COL24A1: variants seen among roughly 807,000 people sequenced by gnomAD.
The protein encoded by COL24A1 is collagen type XXIV alpha 1 chain.
COL24A1 carries 224 observed loss-of-function variants against 253.9 expected under a neutral mutation model. The ratio of observed to expected loss-of-function variants is 0.88; its 90% confidence interval spans 0.79 to 0.99. The LOEUF (loss-of-function observed/expected upper bound fraction) is 0.99. Among genes scored for constraint, COL24A1 ranks in the 50% least tolerant of loss-of-function variants. The pLI, the probability that COL24A1 is intolerant of heterozygous loss-of-function variation, is 0.00. For missense variants in COL24A1, 2,131 were observed against 2,068.5 expected (o/e 1.03, Z -0.59); for synonymous variants, 685 against 673.7 (o/e 1.02, Z -0.26).
At chr1:85,955,991 T>A (rs1174534047) in intron 24 of COL24A1, among the ~76,000 whole-genome samples, 3 of 152,236 alleles carry the variant, frequency 2.0e-5, no homozygotes, top group Non-Finnish European at 4.4e-5. Flanking sequence ...TCACATCTCT[T>A]AAACATTAAT....
At chr1:86,134,523 T>C (rs1376967787) in intron 2 of COL24A1, among the ~76,000 whole-genome samples, 9 of 145,492 alleles carry the variant, frequency 6.2e-5, no homozygotes, top group African/African-American at 2.0e-4. Flanking sequence ...GCTTTGAATG[T>C]GTCCCAGAGA....
At chr1:86,075,845 C>G (rs143136298) in intron 7 of COL24A1, among the ~76,000 whole-genome samples, 10,430 of 152,072 alleles carry the variant, frequency 0.069, 455 homozygotes, top group Middle Eastern at 0.13. Flanking sequence ...ATTCAACAGC[C>G]CTTCATGCTA....
intron 14 of COL24A1, among the ~76,000 whole-genome samples, chr1:86,028,002 T>G (rs1698210971): frequency 1.3e-5 from 2 of 152,212 alleles, no homozygotes; most frequent in Admixed American, 1.3e-4. Context: ...ATGACTGCCC[T>G]ACTTGATTTT....
intron 24 of COL24A1, among the ~76,000 whole-genome samples, chr1:85,923,801 G>A (rs961353952): frequency 6.6e-6 from 1 of 151,996 alleles, no homozygotes; most frequent in Non-Finnish European, 1.5e-5. Context: ...GCTAGCAGAA[G>A]GCAAGACATA....
intron 7 of COL24A1, among the ~76,000 whole-genome samples, chr1:86,075,017 A>C: frequency 6.6e-6 from 1 of 152,186 alleles, no homozygotes; most frequent in South Asian, 2.1e-4. Context: ...AAAAGCTAGC[A>C]GAAGACAAGA....
At chr1:86,105,770 A>AG (rs1249798339) in intron 5 of COL24A1, among the ~76,000 whole-genome samples, 1 of 152,160 alleles carries the variant, frequency 6.6e-6, no homozygotes, top group Non-Finnish European at 1.5e-5. Context: ...GTGGTGGTTG[A>AG]GGGGTCTCCT....
chr1:85,891,266 G>A (rs956582246), intron 31 of COL24A1, among the ~76,000 whole-genome samples: 13 of 142,918 alleles, frequency 9.1e-5, no homozygotes, highest in Admixed American at 4.4e-4. Context: ...GAGTTTCACC[G>A]TGTTAACCAG....
chr1:86,066,983 A>G (rs1488055059), intron 7 of COL24A1, among the ~76,000 whole-genome samples: 1 of 151,870 alleles, frequency 6.6e-6, no homozygotes, highest in African/African-American at 2.4e-5. Flanking sequence ...TTAAAAATAC[A>G]AAAAAATTAG....
chr1:85,946,817 T>C (rs895230410), intron 24 of COL24A1, among the ~76,000 whole-genome samples: 1 of 152,214 alleles, frequency 6.6e-6, no homozygotes, highest in Admixed American at 6.5e-5. Flanking sequence ...ATATGGCAGT[T>C]TGTTTAATTT....
chr1:85,810,281 A>G (rs776304033), intron 47 of COL24A1, among the ~76,000 whole-genome samples: 1 of 152,154 alleles, frequency 6.6e-6, no homozygotes, highest in African/African-American at 2.4e-5. Flanking sequence ...GTTGGAAGTT[A>G]CCCTATATGG....
At chr1:86,069,943 A>C (rs970639645) in intron 7 of COL24A1, among the ~76,000 whole-genome samples, 2 of 152,176 alleles carry the variant, frequency 1.3e-5, no homozygotes, top group Admixed American at 1.3e-4. Flanking sequence ...ACAAGTAACA[A>C]CACCACCACA....
At chr1:86,146,644 T>C (rs1279798342) in intron 1 of COL24A1, among the ~76,000 whole-genome samples, 1 of 151,968 alleles carries the variant, frequency 6.6e-6, no homozygotes, top group African/African-American at 2.4e-5. Context: ...GATTATAAGT[T>C]AATGGAACCA....
intron 33 of COL24A1, among the ~76,000 whole-genome samples, chr1:85,875,774 C>T (rs1033307133): frequency 6.8e-6 from 1 of 146,452 alleles, no homozygotes; most frequent in South Asian, 2.2e-4. Context: ...CACAGAGCTT[C>T]TTTTCCAGCC....
At chr1:85,831,461 C>T (rs1675273270) in intron 43 of COL24A1, among the ~76,000 whole-genome samples, 1 of 152,026 alleles carries the variant, frequency 6.6e-6, no homozygotes, top group Non-Finnish European at 1.5e-5. Flanking sequence ...TAAATCTCAC[C>T]AAGACAAACC....
At chr1:86,058,872 G>A (rs1474316053) in intron 9 of COL24A1, among the ~76,000 whole-genome samples, 1 of 151,980 alleles carries the variant, frequency 6.6e-6, no homozygotes, top group African/African-American at 2.4e-5. Context: ...TAACACTTGT[G>A]CATTTTAATT....
chr1:85,747,522 T>C (rs1009917487), intron 55 of COL24A1, among the ~76,000 whole-genome samples: 1 of 152,140 alleles, frequency 6.6e-6, no homozygotes, highest in South Asian at 2.1e-4. Context: ...TAAATATTTT[T>C]ATAAAAATTA....
At chr1:85,917,314 G>C (rs1275293880) in intron 24 of COL24A1, among the ~76,000 whole-genome samples, 1 of 152,168 alleles carries the variant, frequency 6.6e-6, no homozygotes, top group Non-Finnish European at 1.5e-5. Context: ...TCTGTATATA[G>C]AGTAGTGGCT....
chr1:86,009,677 G>A (rs1185972875), intron 19 of COL24A1, among the ~76,000 whole-genome samples: 1 of 152,190 alleles, frequency 6.6e-6, no homozygotes, highest in African/African-American at 2.4e-5. Context: ...GAGTGAGTTA[G>A]TAAGTCAGTA....
chr1:85,822,240 G>T (rs1459650387), intron 45 of COL24A1, among the ~76,000 whole-genome samples: 1 of 152,154 alleles, frequency 6.6e-6, no homozygotes, highest in African/African-American at 2.4e-5. Flanking sequence ...TAACATATCT[G>T]ATTCAACCCC....
Sources: gnomAD v4.1 joint callset for allele counts (sites outside exome capture counted in the v4.1 genomes callset) on GRCh38, gnomAD v4.1.1 for gene constraint, MANE v1.5 for transcripts, NCBI Gene and HGNC (gene_info 2026-07-23, HGNC 2026-07-21) for gene names.